Variants in RGS6 observed in about 807,000 individuals in gnomAD.
The protein encoded by RGS6 is regulator of G-protein signaling 6.
In RGS6, 30 loss-of-function variants were observed where a neutral mutation model predicts 78.5. The ratio of observed to expected loss-of-function variants is 0.38; its 90% CI spans 0.29 to 0.52. The LOEUF is 0.52. Among genes scored for constraint, RGS6 ranks in the 20% least tolerant of loss-of-function variants. The pLI, the probability that RGS6 is intolerant of heterozygous loss-of-function variation, is 0.85. For synonymous variants in RGS6, 206 were observed against 206.0 expected, an observed-to-expected ratio of 1.00 and a Z score of 0.00; for missense variants, 495 against 609.7, an observed-to-expected ratio of 0.81 and a Z score of 1.98.
At position 72,068,399 on chromosome 14, in the gene RGS6, T is replaced by G. The variant is rs575118511; in HGVS notation, c.84+103524T>G. Among the ~76,000 whole-genome samples, 572 of 152,148 alleles carry G rather than the reference T, an allele frequency of 3.8e-3. 1 individual carries two copies. Among genetic ancestry groups the G allele is most frequent in the African/African-American group, 0.013 (559 of 41,514 alleles). On this transcript the variant is annotated intron_variant, in intron 2 of 17. Transcript: ENST00000553525. ...ATCTGTCCACCTCAGCCCCCCAAAG[T>G]GCTGAGATTACAGGCGTGAGCCACT...
chr14:71,976,412 TC>T (rs1175780390), intron 2 of RGS6, among the ~76,000 whole-genome samples: 3 of 97,756 alleles, frequency 3.1e-5, no homozygotes, highest in East Asian at 2.9e-4. Flanking sequence ...CCCTCCCCCC[TC>T]CCCCCACCCC....
At chr14:72,115,674 G>C (rs1350245607) in intron 2 of RGS6, among the ~76,000 whole-genome samples, 1 of 152,134 alleles carries the variant, frequency 6.6e-6, no homozygotes. Context: ...ACTTTCAAAG[G>C]CACCAATGCA....
the RGS6 span, among the ~76,000 whole-genome samples, chr14:72,583,426 T>C: frequency 6.6e-6 from 1 of 152,240 alleles, no homozygotes; most frequent in Non-Finnish European, 1.5e-5. Flanking sequence ...CTCTGGAGAA[T>C]CTTGACTAGC....
At chr14:72,331,250 A>C (rs2074962914) in intron 2 of RGS6, among the ~76,000 whole-genome samples, 1 of 31,690 alleles carries the variant, frequency 3.2e-5, no homozygotes, top group African/African-American at 2.6e-4. Context: ...CTGTCGTTCA[A>C]AAAAAAAAAA....
At chr14:71,873,297 G>A in the RGS6 span, among the ~76,000 whole-genome samples, 1 of 152,144 alleles carries the variant, frequency 6.6e-6, no homozygotes, top group Non-Finnish European at 1.5e-5. Context: ...ATCCTCTCCA[G>A]CACCTGTTGT....
intron 3 of RGS6, among the ~76,000 whole-genome samples, chr14:72,422,445 C>T (rs1439057423): frequency 6.6e-6 from 1 of 152,114 alleles, no homozygotes; most frequent in African/African-American, 2.4e-5. Context: ...TTAGTATCTG[C>T]AATCTTGGGG....
intron 2 of RGS6, among the ~76,000 whole-genome samples, chr14:71,979,439 G>A (rs1369613041): frequency 7.5e-4 from 113 of 151,374 alleles, no homozygotes; most frequent in South Asian, 2.5e-3. Flanking sequence ...CTTTGAATGC[G>A]TCCCAGAGAT....
chr14:72,523,448 G>A (rs1212691194), intron 15 of RGS6, among the ~76,000 whole-genome samples: 1 of 152,112 alleles, frequency 6.6e-6, no homozygotes, highest in Non-Finnish European at 1.5e-5. Context: ...CCCCTGCAGT[G>A]GTCATATGCT....
intron 2 of RGS6, among the ~76,000 whole-genome samples, chr14:72,316,877 G>C (rs1014902715): frequency 6.0e-5 from 9 of 148,908 alleles, no homozygotes; most frequent in Admixed American, 1.4e-4. Flanking sequence ...CCTAGGTATA[G>C]AGAATTGAAA....
chr14:72,391,085 G>A (rs550130711), intron 3 of RGS6, among the ~76,000 whole-genome samples: 109 of 152,282 alleles, frequency 7.2e-4, no homozygotes, highest in Non-Finnish European at 1.2e-3. Context: ...ATAAATCACC[G>A]AAATCAGGAC....
At chr14:72,237,159 TTTG>T (rs1449144502) in intron 2 of RGS6, among the ~76,000 whole-genome samples, 1 of 152,224 alleles carries the variant, frequency 6.6e-6, no homozygotes, top group African/African-American at 2.4e-5. Flanking sequence ...TTCATCTATT[TTTG>T]TTTGCATATG....
chr14:72,404,273 A>T (rs976644123), intron 3 of RGS6, among the ~76,000 whole-genome samples: 1 of 152,218 alleles, frequency 6.6e-6, no homozygotes, highest in African/African-American at 2.4e-5. Flanking sequence ...AGCTCCTTTA[A>T]GATGCCTCAG....
intron 3 of RGS6, among the ~76,000 whole-genome samples, chr14:72,394,349 A>G (rs570167594): frequency 9.9e-4 from 151 of 152,232 alleles, no homozygotes; most frequent in African/African-American, 3.5e-3. Context: ...TTCACAAGGT[A>G]ATAAAATATG....
chr14:72,512,543 T>C (rs1457581587), intron 14 of RGS6, among the ~76,000 whole-genome samples: 1 of 152,208 alleles, frequency 6.6e-6, no homozygotes, highest in Non-Finnish European at 1.5e-5. Flanking sequence ...CATGTGTTCA[T>C]GTGCCAGAGC....
intron 13 of RGS6, among the ~76,000 whole-genome samples, chr14:72,499,925 T>C (rs369783655): frequency 3.3e-5 from 5 of 152,224 alleles, no homozygotes; most frequent in African/African-American, 1.2e-4. Flanking sequence ...CCTAGGCCTA[T>C]CTGGCATACA....
At chr14:72,554,048 C>A (rs1236568392) in intron 17 of RGS6, among the ~76,000 whole-genome samples, 1 of 152,214 alleles carries the variant, frequency 6.6e-6, no homozygotes, top group African/African-American at 2.4e-5. Context: ...GTACTTCCTC[C>A]GGTTAGGAAT....
intron 7 of RGS6, among the ~76,000 whole-genome samples, chr14:72,467,285 G>A (rs879576441): frequency 1.3e-5 from 2 of 152,156 alleles, no homozygotes; most frequent in Non-Finnish European, 2.9e-5. Flanking sequence ...ATGAATGACT[G>A]AAGGGCCAGC....
At chr14:72,492,096 G>A (rs959167654) in intron 12 of RGS6, among the ~76,000 whole-genome samples, 1 of 152,232 alleles carries the variant, frequency 6.6e-6, no homozygotes, top group Non-Finnish European at 1.5e-5. Flanking sequence ...GGGATGGAAA[G>A]TGTGATACCT....
intron 2 of RGS6, among the ~76,000 whole-genome samples, chr14:72,044,348 C>G (rs2092669585): frequency 6.6e-6 from 1 of 152,132 alleles, no homozygotes; most frequent in South Asian, 2.1e-4. Flanking sequence ...AAGAAATTGG[C>G]ATTTGAATCA....
Sources: gnomAD v4.1 joint callset for allele counts (sites outside exome capture counted in the v4.1 genomes callset) on GRCh38, gnomAD v4.1.1 for gene constraint, MANE v1.5 for transcripts, NCBI Gene and HGNC (gene_info 2026-07-23, HGNC 2026-07-21) for gene names.